EXT2: variants seen among roughly 807,000 people sequenced by gnomAD.
EXT2 encodes exostosin-2.
A neutral mutation model predicts 81.6 loss-of-function variants in EXT2; 53 were observed. The ratio of observed to expected loss-of-function variants is 0.65; its 90% CI spans 0.52 to 0.82. The LOEUF (loss-of-function observed/expected upper bound fraction) is 0.82, where lower values mean the gene tolerates loss of function less well. Among genes scored for constraint, EXT2 ranks in the 40% least tolerant of loss-of-function variants. The pLI is 0.00. For synonymous variants in EXT2, 320 were observed against 340.0 expected (o/e 0.94, Z 0.65); for missense variants, 774 against 910.2 (o/e 0.85, Z 1.93).
At chr11:44,204,121 A>G (rs1313872416) in intron 9 of EXT2, among the ~76,000 whole-genome samples, 1 of 152,166 alleles carries the variant, frequency 6.6e-6, no homozygotes, top group African/African-American at 2.4e-5. Context: ...CAGATTTCAG[A>G]GTGTAATCTG....
intron 7 of EXT2, among the ~76,000 whole-genome samples, chr11:44,138,893 C>A (rs558320016): frequency 6.6e-6 from 1 of 152,310 alleles, no homozygotes; most frequent in African/African-American, 2.4e-5. Context: ...TGGCCCCCCA[C>A]TCTATGCTGG....
chr11:44,157,779 T>A (rs1954875745), intron 7 of EXT2, among the ~76,000 whole-genome samples: 1 of 152,142 alleles, frequency 6.6e-6, no homozygotes, highest in African/African-American at 2.4e-5. Context: ...CTCCTTCCCC[T>A]GAGCAGGAGG....
intron 3 of EXT2, among the ~76,000 whole-genome samples, chr11:44,112,747 C>G (rs1022065809): frequency 1.3e-5 from 2 of 152,136 alleles, no homozygotes; most frequent in Admixed American, 1.3e-4. Context: ...TCACCTTAAC[C>G]CCCCTGGAAC....
chr11:44,149,575 A>G lies in EXT2; in HGVS notation c.1173+19437A>G, dbSNP rs575672249. On this transcript the variant is annotated intron_variant, in intron 7 of 13. Transcript: ENST00000533608. ...AAACCTTGTCTAAAAACTCTTGTGA[A>G]CTTACATGAGTACACTATTTTGATA... is the stretch of plus-strand genomic sequence containing the variant. Among the ~76,000 whole-genome samples the G allele has an allele frequency of 3.3e-5, 5 of 152,332 alleles. 1 individual carries two copies. The South Asian group carries it at 1.0e-3, about 32-fold the overall frequency.
chr11:44,174,430 G>A (rs901075365), intron 8 of EXT2, among the ~76,000 whole-genome samples: 1 of 151,076 alleles, frequency 6.6e-6, no homozygotes. Context: ...ATATATATTT[G>A]TGTACATATA....
At chr11:44,128,443 A>G (rs1429063697) in intron 6 of EXT2, among the ~76,000 whole-genome samples, 1 of 152,212 alleles carries the variant, frequency 6.6e-6, no homozygotes, top group Non-Finnish European at 1.5e-5. Flanking sequence ...TATTTACCAG[A>G]TGCTGTCTTA....
At chr11:44,100,822 T>G (rs530098872) in intron 1 of EXT2, among the ~76,000 whole-genome samples, 6 of 152,092 alleles carry the variant, frequency 3.9e-5, no homozygotes, top group South Asian at 2.1e-4. Flanking sequence ...GATGGAGATA[T>G]TTGGGTGGAG....
At chr11:44,134,470 A>G (rs896412237) in intron 7 of EXT2, among the ~76,000 whole-genome samples, 10 of 152,188 alleles carry the variant, frequency 6.6e-5, no homozygotes, top group Admixed American at 5.9e-4. Flanking sequence ...AGCTGTCAGG[A>G]TGAATTTCTT....
At chr11:44,134,228 T>C (rs1025534922) in intron 7 of EXT2, among the ~76,000 whole-genome samples, 1 of 152,244 alleles carries the variant, frequency 6.6e-6, no homozygotes, top group African/African-American at 2.4e-5. Flanking sequence ...GGCCTTTTAT[T>C]GTCCTGTGAG....
intron 13 of EXT2, 61 bp downstream of exon 13, chr11:44,236,436 C>A: frequency 6.8e-7 from 1 of 1,481,174 alleles, no homozygotes; most frequent in Non-Finnish European, 9.4e-7. Context: ...CTGCCTTAGG[C>A]CTGTTTATGG....
intron 8 of EXT2, among the ~76,000 whole-genome samples, chr11:44,180,870 G>C (rs1421731271): frequency 1.4e-4 from 21 of 152,188 alleles, no homozygotes; most frequent in Admixed American, 1.4e-3. Flanking sequence ...GGGAGGCCGA[G>C]GCGGGCGGAT....
chr11:44,119,169 T>TATATATATATATATATATATATAC lies in EXT2; in HGVS notation c.743+4869_743+4870insTATATATATATATATATATATACA, dbSNP rs1192115471. Among the ~76,000 whole-genome samples the TATATATATATATATATATATATAC allele has an allele frequency of 7.1e-4, 45 of 63,152 alleles. 1 individual carries two copies. Among genetic ancestry groups the TATATATATATATATATATATATAC allele is most frequent in the Admixed American group, 1.5e-3 (9 of 6,104 alleles). 41.4% of individuals were successfully genotyped at this position (63,152 alleles called of 152,430 possible). ...ATATATATATATATATATATATATA[T>TATATATATATATATATATATATAC]ACACATACACACACACACACACACA... On this transcript the variant is annotated intron_variant, in intron 4 of 13. Coordinates refer to ENST00000533608, the MANE Select transcript of EXT2 (RefSeq NM_207122.2).
chr11:44,191,041 C>G (rs1172866574), intron 8 of EXT2, among the ~76,000 whole-genome samples: 2 of 152,246 alleles, frequency 1.3e-5, no homozygotes, highest in Non-Finnish European at 2.9e-5. Flanking sequence ...TCCTTCAAGG[C>G]ATCCTGAAAC....
chr11:44,144,110 C>T (rs751451552), intron 7 of EXT2: 60 of 730,344 alleles, frequency 8.2e-5, no homozygotes, highest in Non-Finnish European at 1.2e-4. Flanking sequence ...CGCTTTCTTT[C>T]TCCTGGTTTT....
intron 4 of EXT2, among the ~76,000 whole-genome samples, chr11:44,117,366 A>G (rs1301002839): frequency 6.6e-6 from 1 of 152,152 alleles, no homozygotes; most frequent in Non-Finnish European, 1.5e-5. Context: ...TTTTGGTGTC[A>G]TTTTTAAGAA....
intron 4 of EXT2, among the ~76,000 whole-genome samples, chr11:44,117,983 A>G (rs1033940927): frequency 2.6e-5 from 4 of 152,164 alleles, no homozygotes; most frequent in African/African-American, 9.7e-5. Flanking sequence ...CTTCTTTTTC[A>G]GAGTTTTCCT....
chr11:44,209,910 C>G (rs1184780099), intron 10 of EXT2, among the ~76,000 whole-genome samples: 1 of 152,230 alleles, frequency 6.6e-6, no homozygotes, highest in East Asian at 1.9e-4. Flanking sequence ...TTGCTATGCC[C>G]TCTGTGCCTA....
chr11:44,192,349 C>T (rs1390920985), intron 8 of EXT2, among the ~76,000 whole-genome samples: 1 of 151,786 alleles, frequency 6.6e-6, no homozygotes, highest in East Asian at 1.9e-4. Flanking sequence ...TGTTAGTTTA[C>T]ATTGTAATTT....
chr11:44,236,474 G>A (rs751849801), intron 13 of EXT2, 99 bp downstream of exon 13: 31 of 1,110,784 alleles, frequency 2.8e-5, no homozygotes, highest in Non-Finnish European at 4.1e-5. Context: ...AAGGACAGCA[G>A]CTGGTAGCCA....
Sources: gnomAD v4.1 joint callset for allele counts (sites outside exome capture counted in the v4.1 genomes callset) on GRCh38, gnomAD v4.1.1 for gene constraint, MANE v1.5 for transcripts, NCBI Gene and HGNC (gene_info 2026-07-23, HGNC 2026-07-21) for gene names.